NEGR1: variants seen among roughly 807,000 people sequenced by gnomAD.
NEGR1 encodes neuronal growth regulator 1.
A neutral mutation model predicts 40.9 loss-of-function variants in NEGR1; 10 were observed. The observed-to-expected ratio is 0.24, with a 90% CI of 0.15 to 0.42. The LOEUF (loss-of-function observed/expected upper bound fraction) is 0.42. NEGR1 is among the 10% of genes least tolerant of loss of function. NEGR1 has a pLI of 1.00. For synonymous variants in NEGR1, 185 were observed against 166.8 expected (o/e 1.11, Z -0.84); for missense variants, 352 against 438.9 (o/e 0.80, Z 1.77).
At chr1:72,215,473 A>G (rs1178562756) in intron 1 of NEGR1, among the ~76,000 whole-genome samples, 1 of 152,116 alleles carries the variant, frequency 6.6e-6, no homozygotes, top group Non-Finnish European at 1.5e-5. Context: ...CCATCAGACA[A>G]AGGTCTAGTA....
intron 6 of NEGR1, among the ~76,000 whole-genome samples, chr1:71,444,759 G>A (rs1195673038): frequency 6.6e-6 from 1 of 152,106 alleles, no homozygotes; most frequent in East Asian, 1.9e-4. Flanking sequence ...AATCCCTGGT[G>A]TAGACAACAA....
intron 1 of NEGR1, among the ~76,000 whole-genome samples, chr1:71,977,802 A>C (rs1420184138): frequency 6.7e-6 from 1 of 148,338 alleles, no homozygotes; most frequent in Non-Finnish European, 1.5e-5. Flanking sequence ...AACCCCAACA[A>C]AGAGACTAAA....
chr1:71,814,282 G>T (rs796687596), intron 2 of NEGR1, among the ~76,000 whole-genome samples: 1 of 151,986 alleles, frequency 6.6e-6, no homozygotes, highest in Non-Finnish European at 1.5e-5. Context: ...CGGTGAATAC[G>T]CTTTTTGATG....
At chr1:71,643,548 CA>C (rs1186023886) in intron 4 of NEGR1, among the ~76,000 whole-genome samples, 1 of 151,914 alleles carries the variant, frequency 6.6e-6, no homozygotes, top group African/African-American at 2.4e-5. Flanking sequence ...TTCCAAGACC[CA>C]CTCTTAGGAA....
intron 1 of NEGR1, among the ~76,000 whole-genome samples, chr1:72,025,957 A>T (rs1035574104): frequency 4.7e-4 from 71 of 150,946 alleles, no homozygotes; most frequent in Admixed American, 4.7e-3. Context: ...TAAAAATACA[A>T]AAAATTAGCC....
At chr1:72,140,224 TTTGTTG>T (rs59526560) in intron 1 of NEGR1, among the ~76,000 whole-genome samples, 22 of 150,602 alleles carry the variant, frequency 1.5e-4, no homozygotes, top group East Asian at 5.9e-4. Context: ...GATAACTGTT[TTTGTTG>T]TTGTTGTTGT....
chr1:71,846,252 C>A (rs1352911440), intron 2 of NEGR1, among the ~76,000 whole-genome samples: 4 of 152,102 alleles, frequency 2.6e-5, no homozygotes, highest in Admixed American at 2.0e-4. Flanking sequence ...GTGTTTAAAT[C>A]TGATTCCTTT....
At chr1:71,722,753 A>G (rs114200078) in intron 3 of NEGR1, among the ~76,000 whole-genome samples, 1,988 of 152,252 alleles carry the variant, frequency 0.013, 46 homozygotes, top group African/African-American at 0.045. Flanking sequence ...ATTTAGAAAT[A>G]ACCATAATAC....
intron 1 of NEGR1, among the ~76,000 whole-genome samples, chr1:72,053,841 C>G (rs1361402362): frequency 6.8e-5 from 10 of 147,766 alleles, no homozygotes; most frequent in Admixed American, 5.5e-4. Context: ...GATTAAGTAT[C>G]TCAAAAACGA....
At chr1:72,082,427 T>A (rs1166405293) in intron 1 of NEGR1, among the ~76,000 whole-genome samples, 1 of 152,182 alleles carries the variant, frequency 6.6e-6, no homozygotes, top group Admixed American at 6.6e-5. Flanking sequence ...GCTTACTTAT[T>A]GCTTGTGGTC....
At chr1:71,477,952 TA>T (rs1340765133) in intron 6 of NEGR1, among the ~76,000 whole-genome samples, 12 of 152,100 alleles carry the variant, frequency 7.9e-5, no homozygotes, top group African/African-American at 2.6e-4. Context: ...GAATGAGGAA[TA>T]AAAAAATGCT....
chr1:71,840,428 G>T (rs944418159), intron 2 of NEGR1, among the ~76,000 whole-genome samples: 3 of 152,028 alleles, frequency 2.0e-5, no homozygotes, highest in African/African-American at 4.8e-5. Context: ...AGTTATTGTG[G>T]TTCCTTCAAG....
intron 2 of NEGR1, among the ~76,000 whole-genome samples, chr1:71,882,378 A>C (rs1660605310): frequency 6.6e-6 from 1 of 152,096 alleles, no homozygotes; most frequent in East Asian, 1.9e-4. Context: ...ATAGCATCTT[A>C]GGGAGTTATC....
chr1:71,519,908 T>C (rs1453866542), intron 6 of NEGR1, among the ~76,000 whole-genome samples: 1 of 151,998 alleles, frequency 6.6e-6, no homozygotes, highest in Non-Finnish European at 1.5e-5. Flanking sequence ...ACTAGGTGTG[T>C]GTACCTGGGG....
chr1:71,967,534 A>T (rs1348596352), intron 1 of NEGR1, among the ~76,000 whole-genome samples: 4 of 152,200 alleles, frequency 2.6e-5, no homozygotes, highest in Non-Finnish European at 5.9e-5. Context: ...AACTAGAGAC[A>T]TACATGATTA....
chr1:72,048,185 C>A lies in NEGR1; in HGVS notation c.177-112874G>T, dbSNP rs749282701. Among the ~76,000 whole-genome samples, 39 of 151,568 alleles carry A rather than the reference C, an allele frequency of 2.6e-4. 2 individuals are homozygous for A. Among genetic ancestry groups the A allele is most frequent in the Non-Finnish European group, 8.9e-5 (6 of 67,718 alleles). On this transcript the variant is annotated intron_variant, in intron 1 of 6. Coordinates refer to ENST00000357731, the MANE Select transcript of NEGR1 (RefSeq NM_173808.3). ...CAAACTCAAATTTTCTTTTTTGCAG[C>A]TTTTCCTTATTATCCTCTACTAGAA...
chr1:72,038,893 A>C (rs1308679212), intron 1 of NEGR1, among the ~76,000 whole-genome samples: 2 of 152,050 alleles, frequency 1.3e-5, no homozygotes, highest in Non-Finnish European at 2.9e-5. Flanking sequence ...GCAAAGGAGA[A>C]CCCTCACATC....
chr1:71,829,992 G>A (rs968268332), intron 2 of NEGR1, among the ~76,000 whole-genome samples: 1 of 151,502 alleles, frequency 6.6e-6, no homozygotes, highest in Non-Finnish European at 1.5e-5. Context: ...CTTTCCTCTG[G>A]TCTAATCTTC....
At chr1:71,768,645 T>C (rs888639625) in intron 3 of NEGR1, among the ~76,000 whole-genome samples, 7 of 152,150 alleles carry the variant, frequency 4.6e-5, no homozygotes, top group Admixed American at 3.3e-4. Context: ...TGGGGGACTG[T>C]TGAGAAGGGA....
Sources: gnomAD v4.1 joint callset for allele counts (sites outside exome capture counted in the v4.1 genomes callset) on GRCh38, gnomAD v4.1.1 for gene constraint, MANE v1.5 for transcripts, NCBI Gene and HGNC (gene_info 2026-07-23, HGNC 2026-07-21) for gene names.